SYNPR: variants seen among roughly 807,000 people sequenced by gnomAD.
SYNPR encodes synaptoporin.
SYNPR carries 23 observed loss-of-function variants against 32.9 expected under a neutral mutation model. The ratio of observed to expected loss-of-function variants is 0.70; its 90% confidence interval spans 0.50 to 0.99. The LOEUF is 0.99. Among genes scored for constraint, SYNPR ranks in the 50% least tolerant of loss-of-function variants. SYNPR has a pLI of 0.00. For synonymous variants in SYNPR, 146 were observed against 135.9 expected, an observed-to-expected ratio of 1.07 and a Z score of -0.52; for missense variants, 318 against 349.3, an observed-to-expected ratio of 0.91 and a Z score of 0.71.
chr3:63,525,268 G>A (rs1370894095), intron 3 of SYNPR, among the ~76,000 whole-genome samples: 1 of 151,908 alleles, frequency 6.6e-6, no homozygotes, highest in Non-Finnish European at 1.5e-5. Context: ...TTCCTTTAAG[G>A]CTTCCCTTCA....
intron 2 of SYNPR, among the ~76,000 whole-genome samples, chr3:63,472,556 T>C (rs1700823569): frequency 6.6e-6 from 1 of 152,168 alleles, no homozygotes; most frequent in Non-Finnish European, 1.5e-5. Flanking sequence ...ACTTCATCCT[T>C]CTATTGCCCA....
At chr3:63,424,084 A>G (rs765047527) in intron 2 of SYNPR, among the ~76,000 whole-genome samples, 33 of 152,352 alleles carry the variant, frequency 2.2e-4, no homozygotes, top group Admixed American at 9.8e-4. Context: ...TTAGGTTAAA[A>G]ACTAAGAAAC....
chr3:63,420,931 A>T (rs566032970), intron 2 of SYNPR, among the ~76,000 whole-genome samples: 21 of 152,298 alleles, frequency 1.4e-4, no homozygotes, highest in Non-Finnish European at 2.2e-4. Context: ...CCCAGGCTGG[A>T]GTGCAGTGGC....
At chr3:63,476,113 G>GGAAGGAAGGAAGGAAGGAAGGAAA (rs1700898636) in intron 2 of SYNPR, among the ~76,000 whole-genome samples, 1 of 24,726 alleles carries the variant, frequency 4.0e-5, no homozygotes, top group Non-Finnish European at 7.4e-5. Flanking sequence ...GGAGGGGGGA[G>GGAAGGAAGGAAGGAAGGAAGGAAA]GAAGGAAGGA....
intron 2 of SYNPR, among the ~76,000 whole-genome samples, chr3:63,435,248 C>G (rs920618953): frequency 6.6e-6 from 1 of 152,126 alleles, no homozygotes; most frequent in African/African-American, 2.4e-5. Context: ...CTTACTGAAC[C>G]GCACTAAACC....
At chr3:63,595,832 G>GTT (rs1491487714) in intron 4 of SYNPR, among the ~76,000 whole-genome samples, 3 of 46,232 alleles carry the variant, frequency 6.5e-5, no homozygotes, top group East Asian at 6.0e-4. Flanking sequence ...TATATATATA[G>GTT]TTATATATAT....
intron 4 of SYNPR, among the ~76,000 whole-genome samples, chr3:63,606,599 T>C (rs553032526): frequency 6.6e-6 from 1 of 151,986 alleles, no homozygotes; most frequent in African/African-American, 2.4e-5. Context: ...TCCAGCTAAA[T>C]TTTTAATTTT....
intron 2 of SYNPR, among the ~76,000 whole-genome samples, chr3:63,298,678 C>A (rs2086814670): frequency 6.6e-6 from 1 of 152,066 alleles, no homozygotes; most frequent in South Asian, 2.1e-4. Context: ...AGTTTGGATT[C>A]CCCAAAAACA....
At chr3:63,355,087 T>G (rs2087559441) in intron 2 of SYNPR, among the ~76,000 whole-genome samples, 1 of 152,124 alleles carries the variant, frequency 6.6e-6, no homozygotes, top group Non-Finnish European at 1.5e-5. Context: ...AAAACCAGCC[T>G]GGCCAACATG....
At chr3:63,484,732 AT>A (rs961137597) in intron 3 of SYNPR, among the ~76,000 whole-genome samples, 1 of 152,210 alleles carries the variant, frequency 6.6e-6, no homozygotes, top group African/African-American at 2.4e-5. Flanking sequence ...GCTGAGAAAA[AT>A]TTTGTTGACA....
At chr3:63,520,493 T>A (rs947769247) in intron 3 of SYNPR, among the ~76,000 whole-genome samples, 39 of 152,016 alleles carry the variant, frequency 2.6e-4, no homozygotes, top group Non-Finnish European at 5.1e-4. Flanking sequence ...ACCAACGTGG[T>A]GAAACCCTGT....
intron 2 of SYNPR, among the ~76,000 whole-genome samples, chr3:63,262,126 C>T (rs2086443586): frequency 6.6e-6 from 1 of 150,382 alleles, no homozygotes; most frequent in African/African-American, 2.4e-5. Flanking sequence ...AACCATTTTA[C>T]AAGGATGGTT....
intron 2 of SYNPR, among the ~76,000 whole-genome samples, chr3:63,327,088 A>G (rs150772778): frequency 1.3e-5 from 2 of 152,090 alleles, no homozygotes; most frequent in African/African-American, 4.8e-5. Context: ...ATTACTAACT[A>G]TGTAAAAGTT....
intron 2 of SYNPR, among the ~76,000 whole-genome samples, chr3:63,400,195 T>C (rs115037269): frequency 0.029 from 4,461 of 152,350 alleles, 96 homozygotes; most frequent in Middle Eastern, 0.048. Context: ...CTACTTCTTA[T>C]CTTCTTAGTG....
At chr3:63,341,745 C>T (rs1273044541) in intron 2 of SYNPR, among the ~76,000 whole-genome samples, 1 of 152,124 alleles carries the variant, frequency 6.6e-6, no homozygotes, top group East Asian at 1.9e-4. Context: ...GGATACAAGT[C>T]ATTTAACAGG....
intron 2 of SYNPR, among the ~76,000 whole-genome samples, chr3:63,430,465 TAAGAC>T (rs1454538360): frequency 2.6e-5 from 4 of 152,040 alleles, no homozygotes; most frequent in Non-Finnish European, 5.9e-5. Flanking sequence ...TGTGAAGTCT[TAAGAC>T]AAACAGTATA....
intron 2 of SYNPR, among the ~76,000 whole-genome samples, chr3:63,418,678 G>A (rs1249862204): frequency 1.3e-5 from 2 of 152,194 alleles, no homozygotes; most frequent in Admixed American, 6.5e-5. Flanking sequence ...ATGGCAGCAG[G>A]CAGAGAGTTT....
At chr3:63,505,206 G>A (rs1701564830) in intron 3 of SYNPR, among the ~76,000 whole-genome samples, 1 of 151,996 alleles carries the variant, frequency 6.6e-6, no homozygotes, top group South Asian at 2.1e-4. Context: ...GGCCCAGAAG[G>A]TTAAATGTTA....
chr3:63,595,722 TA>T (rs1699924154), intron 4 of SYNPR, among the ~76,000 whole-genome samples: 1 of 6,332 alleles, frequency 1.6e-4, no homozygotes, highest in Admixed American at 2.2e-3. Context: ...TTATTTTATA[TA>T]TATATATATA....
Sources: gnomAD v4.1 joint callset for allele counts (sites outside exome capture counted in the v4.1 genomes callset) on GRCh38, gnomAD v4.1.1 for gene constraint, MANE v1.5 for transcripts, NCBI Gene and HGNC (gene_info 2026-07-23, HGNC 2026-07-21) for gene names.